Variants in FBXW7 observed in about 807,000 individuals in gnomAD.
The protein encoded by FBXW7 is F-box/WD repeat-containing protein 7.
FBXW7 carries 11 observed loss-of-function variants against 86.3 expected under a neutral mutation model. That is an observed-to-expected ratio of 0.13 (90% CI 0.08 to 0.21). The LOEUF is 0.21. Ranked by LOEUF, FBXW7 falls within the 10% of genes least tolerant of loss-of-function variation. The probability of loss-of-function intolerance (pLI) is 1.00; values close to 1 mark genes in which losing one functional copy is unlikely to be tolerated. For missense variants in FBXW7, 488 were observed against 847.4 expected, an observed-to-expected ratio of 0.58 and a Z score of 5.27; for synonymous variants, 313 against 297.9, an observed-to-expected ratio of 1.05 and a Z score of -0.52.
At position 152,445,910 on chromosome 4, in the gene FBXW7, TAAAA is replaced by T. The variant is rs11457603; in HGVS notation, c.-119-33385_-119-33382del. On this transcript the variant is annotated intron_variant, in intron 2 of 13. Transcript: ENST00000281708. ...GGGTGACACAGCAAGACTCTGTCTTTAAAAAAAAAAAAAAAAAAAAAAAAAAAAA... is the reference window on the plus strand; with the variant it reads ...GGGTGACACAGCAAGACTCTGTCTTTAAAAAAAAAAAAAAAAAAAAAAAAA... Among the ~76,000 whole-genome samples the T allele has an allele frequency of 8.9e-3, 898 of 100,444 alleles. 6 individuals are homozygous for T. Among genetic ancestry groups the T allele is most frequent in the Admixed American group, 0.014 (128 of 8,858 alleles). The allele number at this position is 100,444 out of a possible 152,430, so 65.9% of individuals were successfully genotyped here. A position where few individuals can be genotyped will look rare whatever the true frequency, so the allele number is the denominator to read the frequency against.
At chr4:152,408,356 A>G (rs1323536488) in intron 4 of FBXW7, among the ~76,000 whole-genome samples, 1 of 152,246 alleles carries the variant, frequency 6.6e-6, no homozygotes, top group East Asian at 1.9e-4. Context: ...TTTTAAAAAA[A>G]TATGATAAGG....
Position 152,323,267 on chromosome 4 carries a change from T to C in FBXW7, c.1856-118A>G, listed in dbSNP as rs150948652. The C allele has an allele frequency of 2.1e-5, 26 of 1,212,412 alleles. No homozygotes were observed. The Admixed American group carries it at 2.6e-4, about 12-fold the overall frequency. 75.1% of individuals were successfully genotyped at this position (1,212,412 alleles called of 1,614,324 possible). On this transcript the variant is annotated intron_variant, in intron 13 of 13. Coordinates refer to ENST00000281708, the MANE Select transcript of FBXW7 (RefSeq NM_001349798.2). ...ACAATAAATGCAACATTTGAAATGA[T>C]ACATATTTAGAAACCCATGTCCTCA...
intron 2 of FBXW7, among the ~76,000 whole-genome samples, chr4:152,462,733 A>C (rs990354250): frequency 1.3e-5 from 2 of 152,194 alleles, no homozygotes; most frequent in Non-Finnish European, 2.9e-5. Flanking sequence ...CAGATCTTAT[A>C]ATTGTTAGCT....
chr4:152,500,614 T>C (rs1746850492), intron 2 of FBXW7, among the ~76,000 whole-genome samples: 1 of 150,738 alleles, frequency 6.6e-6, no homozygotes, highest in African/African-American at 2.4e-5. Flanking sequence ...TATGGAAACA[T>C]GAGTATCGTG....
At chr4:152,333,066 A>G (rs1258404383) in intron 7 of FBXW7, among the ~76,000 whole-genome samples, 2 of 152,132 alleles carry the variant, frequency 1.3e-5, no homozygotes, top group African/African-American at 4.8e-5. Context: ...ATCCTACTAC[A>G]ATGTAAATTC....
intron 2 of FBXW7, among the ~76,000 whole-genome samples, chr4:152,443,368 AATTAAACG>A (rs768578142): frequency 3.3e-4 from 51 of 152,360 alleles, no homozygotes; most frequent in Non-Finnish European, 6.3e-4. Flanking sequence ...ATTTCTTTAA[AATTAAACG>A]ATTAAAGTGT....
intron 12 of FBXW7, chr4:152,325,686 T>A: frequency 4.2e-6 from 1 of 236,952 alleles, no homozygotes; most frequent in South Asian, 8.5e-5. Context: ...TGCAAAGGAG[T>A]TTCTTAAAAT....
At chr4:152,397,589 A>G (rs1404173377) in intron 4 of FBXW7, among the ~76,000 whole-genome samples, 1 of 151,212 alleles carries the variant, frequency 6.6e-6, no homozygotes, top group Non-Finnish European at 1.5e-5. Context: ...CGTAGTTCAT[A>G]AGAGCCTGAA....
intron 2 of FBXW7, among the ~76,000 whole-genome samples, chr4:152,493,509 T>C (rs1258543266): frequency 6.6e-6 from 1 of 152,170 alleles, no homozygotes; most frequent in Non-Finnish European, 1.5e-5. Context: ...GGAGATTATG[T>C]GCCAAACTGT....
intron 4 of FBXW7, among the ~76,000 whole-genome samples, chr4:152,371,862 G>A (rs1734033968): frequency 1.3e-5 from 2 of 151,948 alleles, no homozygotes; most frequent in African/African-American, 2.4e-5. Context: ...CATGAAATGT[G>A]GATGATGAGA....
intron 2 of FBXW7, among the ~76,000 whole-genome samples, chr4:152,497,639 T>C (rs1199629555): frequency 6.6e-6 from 1 of 152,054 alleles, no homozygotes; most frequent in Non-Finnish European, 1.5e-5. Flanking sequence ...CTAGATAAAA[T>C]TAAATGTTGA....
chr4:152,351,493 C>G lies in FBXW7; in HGVS notation c.502-1369G>C, dbSNP rs144638598. Reference sequence around the variant, plus strand: ...GTTTTAAAGTGATTCCTCTCAGAAACCATTATTTTCTTTCTCCAAATAATT... The same window carrying G: ...GTTTTAAAGTGATTCCTCTCAGAAAGCATTATTTTCTTTCTCCAAATAATT... On this transcript the variant is annotated intron_variant, in intron 4 of 13. Coordinates refer to ENST00000281708, the MANE Select transcript of FBXW7 (RefSeq NM_001349798.2). 5.4e-3 allele frequency among the ~76,000 whole-genome samples: 826 copies of G among 152,000 alleles called. 7 individuals carry two copies. The highest frequency in any genetic ancestry group is 0.019 in the African/African-American group (775 of 41,492).
intron 2 of FBXW7, among the ~76,000 whole-genome samples, chr4:152,458,554 A>G (rs1742649709): frequency 6.6e-6 from 1 of 152,252 alleles, no homozygotes; most frequent in Admixed American, 6.5e-5. Context: ...TAGGTCAGAC[A>G]TGTCTTAGCA....
intron 2 of FBXW7, among the ~76,000 whole-genome samples, chr4:152,526,479 A>C (rs1347178791): frequency 6.6e-6 from 1 of 152,222 alleles, no homozygotes; most frequent in Non-Finnish European, 1.5e-5. Context: ...TAAGCACACA[A>C]AAAAAGGAAT....
chr4:152,354,731 G>A (rs1732204061), intron 4 of FBXW7, among the ~76,000 whole-genome samples: 1 of 152,008 alleles, frequency 6.6e-6, no homozygotes, highest in South Asian at 2.1e-4. Context: ...CCTACTTAGG[G>A]CTGTGAGTTA....
intron 2 of FBXW7, among the ~76,000 whole-genome samples, chr4:152,472,812 CCT>C (rs1040186901): frequency 3.3e-5 from 5 of 151,928 alleles, no homozygotes; most frequent in African/African-American, 1.2e-4. Context: ...TGAAAAATTA[CCT>C]CTCAATAACT....
intron 2 of FBXW7, among the ~76,000 whole-genome samples, chr4:152,527,584 T>C (rs1749628498): frequency 6.6e-6 from 1 of 152,062 alleles, no homozygotes; most frequent in African/African-American, 2.4e-5. Context: ...GCCTGGGCAA[T>C]ATAGTGAGAC....
intron 2 of FBXW7, among the ~76,000 whole-genome samples, chr4:152,496,249 C>T (rs1410897299): frequency 6.6e-6 from 1 of 152,116 alleles, no homozygotes; most frequent in Non-Finnish European, 1.5e-5. Flanking sequence ...CAAACAGCAA[C>T]TTGCTTCTTA....
intron 5 of FBXW7, 125 bp from the exon 6 acceptor site, chr4:152,347,196 A>T (rs1731358749): frequency 2.5e-6 from 2 of 803,364 alleles, no homozygotes; most frequent in Non-Finnish European, 3.8e-6. Flanking sequence ...TATTTCAAAC[A>T]TCAATTAATT....
Sources: gnomAD v4.1 joint callset for allele counts (sites outside exome capture counted in the v4.1 genomes callset) on GRCh38, gnomAD v4.1.1 for gene constraint, MANE v1.5 for transcripts, NCBI Gene and HGNC (gene_info 2026-07-23, HGNC 2026-07-21) for gene names.